The following SLC45A4 variants were observed in gnomAD, a reference collection of about 807,000 sequenced individuals.
The protein encoded by SLC45A4 is solute carrier family 45 member 4.
Under a neutral mutation model 63.7 loss-of-function variants are expected in SLC45A4, and 32 were observed. The ratio of observed to expected loss-of-function variants is 0.50; its 90% confidence interval spans 0.38 to 0.67. The LOEUF (loss-of-function observed/expected upper bound fraction) is 0.67. SLC45A4 is among the 30% of genes least tolerant of loss of function. The pLI, the probability that SLC45A4 is intolerant of heterozygous loss-of-function variation, is 0.00. For missense variants in SLC45A4, 1,027 were observed against 1,157.7 expected, an observed-to-expected ratio of 0.89 and a Z score of 1.64; for synonymous variants, 535 against 510.0, an observed-to-expected ratio of 1.05 and a Z score of -0.66.
chr8:141,226,223 C>T (rs1826977391), intron 2 of SLC45A4: 1 of 152,324 alleles, frequency 6.6e-6, no homozygotes, highest in Admixed American at 6.5e-5. Context: ...TTGGACAACC[C>T]CAAGTCTACA....
rs1453848957 is a variant in SLC45A4 at position 141,215,503 on chromosome 8, T to C, written c.1941+256A>G. Among the ~76,000 whole-genome samples the C allele has an allele frequency of 6.6e-6, 1 of 151,758 alleles. No homozygotes were observed. The highest frequency in any genetic ancestry group is 2.4e-5 in the African/African-American group (1 of 41,268). The stretch of plus-strand genomic sequence containing the variant: ...GAGGGGACCAAAGGGGCAGGGACAG[T>C]GCTTTTGCCTCCAGAAGCCTCTGGA... On this transcript the variant is annotated intron_variant, in intron 7 of 8. Coordinates refer to ENST00000517878, the MANE Select transcript of SLC45A4 (RefSeq NM_001286646.2). This position sits in a 1 kb window ranked among gnomAD's most constrained non-coding sequence, Gnocchi z 4.3.
chr8:141,266,207 C>G (rs1188005218), intron 1 of SLC45A4, among the ~76,000 whole-genome samples: 2 of 152,320 alleles, frequency 1.3e-5, no homozygotes, highest in African/African-American at 4.8e-5. Flanking sequence ...ACGGTGACCA[C>G]AAACGTGTGC....
chr8:141,228,472 C>T, intron 2 of SLC45A4: 2 of 1,360,990 alleles, frequency 1.5e-6, no homozygotes, highest in African/African-American at 1.5e-5. Flanking sequence ...CTGTGTCCAG[C>T]TTGTGGGCAC....
At chr8:141,219,941 A>C in intron 3 of SLC45A4, 112 bp from the exon 4 acceptor site, 2 of 1,035,498 alleles carry the variant, frequency 1.9e-6, no homozygotes, top group Non-Finnish European at 2.7e-6. Flanking sequence ...CCACAAAACC[A>C]TGCCAGCCTT....
chr8:141,211,948 T>G, intron 8 of SLC45A4: 2 of 1,269,426 alleles, frequency 1.6e-6, no homozygotes, highest in Non-Finnish European at 2.0e-6. Context: ...TTAAAAAAAA[T>G]ATTTCAAATG....
At chr8:141,213,031 A>G (rs904058847) in intron 7 of SLC45A4, among the ~76,000 whole-genome samples, 1 of 151,262 alleles carries the variant, frequency 6.6e-6, no homozygotes, top group East Asian at 2.0e-4. Flanking sequence ...TTTCTTGCAC[A>G]AAGATACAAA....
Position 141,221,690 on chromosome 8 carries a change from C to A in SLC45A4, c.317G>T (p.Gly106Val). Residue 106 changes from glycine to valine, a missense_variant, in exon 3 of 9, where the codon GGG becomes GTG. By Grantham distance (109) the Gly-to-Val change is moderately radical. Transcript: ENST00000517878. ...ILGLIFTPLI[G>V]SASDRCTLSW... ...CAGGGTGCACCGGTCACTCGCAGAC[C>A]CAATGAGAGGTGTGAAGATGAGGCC... 1 of 1,614,132 alleles carries A rather than the reference C, an allele frequency of 6.2e-7. No individual in the cohort carries two copies. Among genetic ancestry groups the A allele is most frequent in the Non-Finnish European group, 8.5e-7 (1 of 1,180,040 alleles).
intron 1 of SLC45A4, among the ~76,000 whole-genome samples, chr8:141,265,550 C>T (rs1267332993): frequency 6.6e-6 from 1 of 152,172 alleles, no homozygotes; most frequent in Non-Finnish European, 1.5e-5. Context: ...TATATAAGCA[C>T]GAGAGCATTA....
At chr8:141,242,921 G>A (rs539563824) in intron 2 of SLC45A4, among the ~76,000 whole-genome samples, 8 of 152,216 alleles carry the variant, frequency 5.3e-5, no homozygotes, top group Non-Finnish European at 1.0e-4. Context: ...CACAAGAGGC[G>A]ACGGGATTTT....
At chr8:141,234,803 C>T (rs1407438006) in intron 2 of SLC45A4, among the ~76,000 whole-genome samples, 2 of 152,230 alleles carry the variant, frequency 1.3e-5, no homozygotes, top group African/African-American at 2.4e-5. Flanking sequence ...CTCACCTCCA[C>T]GTTCCGCTCT....
At chr8:141,276,056 G>A (rs557611975) in intron 1 of SLC45A4, among the ~76,000 whole-genome samples, 1 of 152,056 alleles carries the variant, frequency 6.6e-6, no homozygotes, top group South Asian at 2.1e-4. Flanking sequence ...AGGACTACAG[G>A]TATATGGCAC....
chr8:141,307,543 A>G (rs984114033), intron 1 of SLC45A4, among the ~76,000 whole-genome samples: 1 of 151,776 alleles, frequency 6.6e-6, no homozygotes, highest in Admixed American at 6.6e-5. Context: ...AAGGGGAAGA[A>G]GGGGAAGAAG....
In SLC45A4 at chr8:141,211,201, G is replaced by C. The variant is rs556581328; in HGVS notation, c.*371C>G. ...CTGCTCTCAGGAATCCCCAGCAAAT[G>C]GTTTAGAGACGAATCAAAGTGCAGT... On this transcript the variant is annotated 3_prime_UTR_variant, in exon 9 of 9. Transcript: ENST00000517878. 2.5e-6 allele frequency: 1 copy of C among 401,400 alleles called. No homozygotes were observed. The highest frequency in any genetic ancestry group is 4.4e-6 in the Non-Finnish European group (1 of 226,740). 24.9% of individuals were successfully genotyped at this position (401,400 alleles called of 1,614,324 possible).
intron 2 of SLC45A4, among the ~76,000 whole-genome samples, chr8:141,232,144 T>C (rs564992279): frequency 1.3e-5 from 2 of 152,354 alleles, no homozygotes; most frequent in South Asian, 4.1e-4. Flanking sequence ...TTATATCATC[T>C]GCCTAAGCTC....
intron 1 of SLC45A4, among the ~76,000 whole-genome samples, chr8:141,304,595 C>T (rs1301487438): frequency 2.0e-5 from 3 of 150,924 alleles, no homozygotes; most frequent in Non-Finnish European, 4.4e-5. Flanking sequence ...AGAGAACTTC[C>T]TCTCCCTCTC....
intron 2 of SLC45A4, among the ~76,000 whole-genome samples, chr8:141,239,594 A>ACACG (rs1555571149): frequency 1.2e-3 from 187 of 151,782 alleles, no homozygotes; most frequent in African/African-American, 3.8e-3. Flanking sequence ...ACACACACAC[A>ACACG]CACACGCACG....
chr8:141,224,011 T>A (rs920190213), intron 2 of SLC45A4, among the ~76,000 whole-genome samples: 1 of 152,160 alleles, frequency 6.6e-6, no homozygotes, highest in Non-Finnish European at 1.5e-5. Context: ...AGTTTTTTTT[T>A]TTTTTAGCAT....
At position 141,212,347 on chromosome 8, in the gene SLC45A4, G is replaced by A. The variant is rs1362145848; in HGVS notation, c.2151C>T (p.Pro717=). The change falls in exon 8 of 9, where the codon CCC becomes CCT. Residue 717 remains proline (P), a synonymous_variant. Transcript: ENST00000517878. ...FLTATFLVIY[P]NVSEEAKEEQ... is the part of the protein sequence containing the mutation. ...CCTCCTTGGCCTCCTCTGACACGTTGGGATAGATCACCAGGAATGTGGCCG... is the reference window on the plus strand; with the variant it reads ...CCTCCTTGGCCTCCTCTGACACGTTAGGATAGATCACCAGGAATGTGGCCG... 4 of 1,613,424 alleles carry A rather than the reference G, an allele frequency of 2.5e-6. No homozygotes were observed. The highest frequency in any genetic ancestry group is 2.2e-5 in the South Asian group (2 of 91,090).
At chr8:141,293,181 G>A (rs1005770313) in intron 1 of SLC45A4, among the ~76,000 whole-genome samples, 1 of 152,210 alleles carries the variant, frequency 6.6e-6, no homozygotes, top group African/African-American at 2.4e-5. Context: ...GCGGCCGGGC[G>A]CAGTGGCTCA....
Sources: gnomAD v4.1 joint callset for allele counts (sites outside exome capture counted in the v4.1 genomes callset) on GRCh38, gnomAD v4.1.1 for gene constraint, Gnocchi (gnomAD v3.1) non-coding constraint, MANE v1.5 for transcripts, NCBI Gene and HGNC (gene_info 2026-07-23, HGNC 2026-07-21) for gene names.